Variants in ANKRD28 observed in about 807,000 individuals in gnomAD.
The protein encoded by ANKRD28 is ankyrin repeat domain 28.
A neutral mutation model predicts 126.5 loss-of-function variants in ANKRD28; 44 were observed. The observed-to-expected ratio is 0.35, with a 90% CI of 0.27 to 0.45. The LOEUF is 0.45. Ranked by LOEUF, ANKRD28 falls within the 20% of genes least tolerant of loss-of-function variation. The pLI, the probability that ANKRD28 is intolerant of heterozygous loss-of-function variation, is 1.00. For synonymous variants in ANKRD28, 442 were observed against 468.5 expected (o/e 0.94, Z 0.73); for missense variants, 1,110 against 1,316.6 (o/e 0.84, Z 2.43).
At chr3:15,824,876 A>G (rs184625819) in intron 1 of ANKRD28, among the ~76,000 whole-genome samples, 246 of 152,360 alleles carry the variant, frequency 1.6e-3, no homozygotes, top group Admixed American at 2.2e-3. Flanking sequence ...AGGAGGACAG[A>G]CTGGTAGAAA....
chr3:15,849,961 G>A (rs368380658), intron 1 of ANKRD28, among the ~76,000 whole-genome samples: 2 of 151,818 alleles, frequency 1.3e-5, no homozygotes, highest in South Asian at 4.2e-4. Flanking sequence ...TTAAAGCAGG[G>A]TTGGAAGCGA....
At chr3:15,683,490 T>A (rs1423481565) in intron 21 of ANKRD28, among the ~76,000 whole-genome samples, 6 of 152,170 alleles carry the variant, frequency 3.9e-5, no homozygotes, top group Non-Finnish European at 7.4e-5. Flanking sequence ...CCCAAAGGTT[T>A]TATAGTTTTC....
At chr3:15,728,196 AAATT>A (rs1389721501) in intron 6 of ANKRD28, among the ~76,000 whole-genome samples, 4 of 152,230 alleles carry the variant, frequency 2.6e-5, no homozygotes, top group Admixed American at 1.3e-4. Flanking sequence ...AGAACACTGA[AAATT>A]AATAAAAAAG....
intron 3 of ANKRD28, among the ~76,000 whole-genome samples, chr3:15,761,377 C>A (rs1205627643): frequency 1.3e-5 from 2 of 152,128 alleles, no homozygotes; most frequent in African/African-American, 4.8e-5. Context: ...TTTTTCTCAT[C>A]TTTACCTAGA....
chr3:15,784,860 C>T (rs1271420621), intron 2 of ANKRD28, among the ~76,000 whole-genome samples: 1 of 152,018 alleles, frequency 6.6e-6, no homozygotes, highest in Admixed American at 6.6e-5. Flanking sequence ...AGGAATCTGT[C>T]TCCCCAACTA....
chr3:15,673,707 T>C (rs560997588), intron 27 of ANKRD28, among the ~76,000 whole-genome samples: 1 of 152,262 alleles, frequency 6.6e-6, no homozygotes, highest in East Asian at 1.9e-4. Flanking sequence ...GTGACGAATT[T>C]AGTCATGGGA....
chr3:15,773,985 CAG>C (rs577608715), intron 2 of ANKRD28, among the ~76,000 whole-genome samples: 21 of 152,216 alleles, frequency 1.4e-4, no homozygotes, highest in Non-Finnish European at 2.6e-4. Context: ...ATGACCAGAG[CAG>C]AGTCTAGAAA....
rs1242269939 is a variant in ANKRD28 at position 15,838,740 on chromosome 3, C to A, written c.27+20637G>T. Among the ~76,000 whole-genome samples, 1 of 127,758 alleles carries A rather than the reference C, an allele frequency of 7.8e-6. No homozygotes were observed. The highest frequency in any genetic ancestry group is 1.8e-5 in the Non-Finnish European group (1 of 55,478). The allele number at this position is 127,758 out of a possible 152,430, so 83.8% of individuals were successfully genotyped here. A position where few individuals can be genotyped will look rare whatever the true frequency, so the allele number is the denominator to read the frequency against. ...TCCAGCCTGGGCAACAAGAACGAAACTCCGTCTCAAAAAAAAAAAAAAATC... is the reference window on the plus strand; with the variant it reads ...TCCAGCCTGGGCAACAAGAACGAAAATCCGTCTCAAAAAAAAAAAAAAATC... On this transcript the variant is annotated intron_variant, in intron 1 of 27. Transcript: ENST00000399451. The surrounding 1 kb of genome is among the most constrained non-coding windows in gnomAD (Gnocchi z 4.0).
At chr3:15,723,833 T>C (rs1409855753) in intron 7 of ANKRD28, among the ~76,000 whole-genome samples, 1 of 152,200 alleles carries the variant, frequency 6.6e-6, no homozygotes, top group Non-Finnish European at 1.5e-5. Context: ...GGATGGCTTG[T>C]GAAAAGCTAC....
intron 18 of ANKRD28, among the ~76,000 whole-genome samples, chr3:15,687,992 C>A (rs2068339350): frequency 6.6e-6 from 1 of 152,120 alleles, no homozygotes; most frequent in Admixed American, 6.5e-5. Context: ...CTATAGACCT[C>A]CAAATTTGAA....
intron 1 of ANKRD28, among the ~76,000 whole-genome samples, chr3:15,837,141 A>G (rs1221231194): frequency 6.6e-6 from 1 of 151,954 alleles, no homozygotes; most frequent in African/African-American, 2.4e-5. Flanking sequence ...GGAGCTAACA[A>G]AACAGTCCCA....
intron 2 of ANKRD28, among the ~76,000 whole-genome samples, chr3:15,776,173 C>A (rs755510341): frequency 6.6e-6 from 1 of 152,144 alleles, no homozygotes; most frequent in Non-Finnish European, 1.5e-5. Context: ...AGAATGTGGT[C>A]CAAAGATGTG....
chr3:15,827,267 T>G (rs189307656), intron 1 of ANKRD28, among the ~76,000 whole-genome samples: 4 of 152,072 alleles, frequency 2.6e-5, no homozygotes, highest in African/African-American at 4.8e-5. Flanking sequence ...CACTACAGGG[T>G]ATATAACCAA....
chr3:15,759,372 A>C (rs987052955), intron 3 of ANKRD28, among the ~76,000 whole-genome samples: 11 of 152,212 alleles, frequency 7.2e-5, no homozygotes, highest in Non-Finnish European at 1.5e-4. Flanking sequence ...TAAATTTAAC[A>C]GTATTTAAAA....
chr3:15,783,472 T>C (rs1274827219), intron 2 of ANKRD28, among the ~76,000 whole-genome samples: 6 of 151,848 alleles, frequency 4.0e-5, no homozygotes, highest in African/African-American at 1.5e-4. Context: ...GTCAGTTTCT[T>C]AAAAAGTTAA....
At chr3:15,746,591 G>T (rs1559461333) in intron 4 of ANKRD28, among the ~76,000 whole-genome samples, 1 of 152,150 alleles carries the variant, frequency 6.6e-6, no homozygotes, top group Non-Finnish European at 1.5e-5. Context: ...TTATCTTTTT[G>T]ATATGCTGTT....
In ANKRD28 at chr3:15,691,476, T is replaced by C. The variant is rs548664094; in HGVS notation, c.1762-1256A>G. On this transcript the variant is annotated intron_variant, in intron 17 of 27. Transcript: ENST00000683139. ...AAAAGGGCTTTCCAGAAAAGTCTTTTCAAAATCCAACATGGCAACTGAACA... is the reference window on the plus strand; with the variant it reads ...AAAAGGGCTTTCCAGAAAAGTCTTTCCAAAATCCAACATGGCAACTGAACA... Among the ~76,000 whole-genome samples the C allele has an allele frequency of 1.1e-3, 173 of 152,304 alleles. 1 individual carries two copies. Among genetic ancestry groups the C allele is most frequent in the Middle Eastern group, 3.4e-3 (1 of 294 alleles).
chr3:15,692,468 A>T (rs117967169), intron 17 of ANKRD28, among the ~76,000 whole-genome samples: 1 of 152,196 alleles, frequency 6.6e-6, no homozygotes, highest in Admixed American at 6.5e-5. Flanking sequence ...AAAAATAAAT[A>T]AAAAATAAAA....
intron 4 of ANKRD28, among the ~76,000 whole-genome samples, chr3:15,740,823 A>G (rs979863393): frequency 1.3e-5 from 2 of 152,236 alleles, no homozygotes; most frequent in African/African-American, 4.8e-5. Flanking sequence ...ATAAGACAAT[A>G]AACATAGCAA....
Sources: gnomAD v4.1 joint callset for allele counts (sites outside exome capture counted in the v4.1 genomes callset) on GRCh38, gnomAD v4.1.1 for gene constraint, Gnocchi (gnomAD v3.1) non-coding constraint, MANE v1.5 for transcripts, NCBI Gene and HGNC (gene_info 2026-07-23, HGNC 2026-07-21) for gene names.